Variants in SOX5 observed in about 807,000 individuals in gnomAD.
The protein encoded by SOX5 is transcription factor SOX-5.
Under a neutral mutation model 92.0 loss-of-function variants are expected in SOX5, and 9 were observed. The ratio of observed to expected loss-of-function variants is 0.10; its 90% CI spans 0.06 to 0.17. SOX5 has a LOEUF of 0.17. Ranked by LOEUF, SOX5 falls within the 10% of genes least tolerant of loss-of-function variation. The pLI, the probability that SOX5 is intolerant of heterozygous loss-of-function variation, is 1.00. For missense variants in SOX5, 642 were observed against 944.5 expected (o/e 0.68, Z 4.20); for synonymous variants, 344 against 336.3 (o/e 1.02, Z -0.25).
At chr12:23,649,643 G>A (rs2081304571) in intron 7 of SOX5, among the ~76,000 whole-genome samples, 1 of 152,064 alleles carries the variant, frequency 6.6e-6, no homozygotes, top group South Asian at 2.1e-4. Flanking sequence ...ACTGAGGCAT[G>A]TTATTCTATT....
In SOX5 at chr12:24,245,682, G is replaced by C. The variant is rs897622163; in HGVS notation, c.-77+31534C>G. ...TTATTATGGCCCATGTCTAGAATTGGTTTACGTGAAAATTAGCTAATTTTT... is the reference window on the plus strand; with the variant it reads ...TTATTATGGCCCATGTCTAGAATTGCTTTACGTGAAAATTAGCTAATTTTT... On this transcript the variant is annotated intron_variant, in intron 3 of 4. Coordinates refer to the SOX5 transcript ENST00000446891. 1.3e-4 allele frequency among the ~76,000 whole-genome samples: 20 copies of C among 152,216 alleles called. No homozygotes were observed. In the East Asian group the frequency reaches 3.7e-3, roughly 28 times the overall value.
At chr12:23,970,841 A>ATATATATATATATATATATATT in intron 4 of SOX5, among the ~76,000 whole-genome samples, 2 of 21,876 alleles carry the variant, frequency 9.1e-5, no homozygotes, top group African/African-American at 1.2e-4. Context: ...TATATATATA[A>ATATATATATATATATATATATT]TTTTTTTTTT....
At chr12:23,957,663 T>G (rs575072468) in intron 4 of SOX5, among the ~76,000 whole-genome samples, 2 of 152,220 alleles carry the variant, frequency 1.3e-5, no homozygotes, top group African/African-American at 4.8e-5. Context: ...TGCTTCCATA[T>G]AGACAACTTG....
chr12:24,510,968 T>C (rs1469709109), intron 1 of SOX5, among the ~76,000 whole-genome samples: 1 of 152,134 alleles, frequency 6.6e-6, no homozygotes, highest in Non-Finnish European at 1.5e-5. Flanking sequence ...GTCACACAAA[T>C]CTCAGGCAGT....
intron 6 of SOX5, among the ~76,000 whole-genome samples, chr12:23,720,861 T>TGCA (rs1369514991): frequency 6.6e-6 from 1 of 152,094 alleles, no homozygotes; most frequent in Non-Finnish European, 1.5e-5. Flanking sequence ...TCGGCACAAT[T>TGCA]GCTCTTATTT....
rs550336448 is a variant in SOX5, at chr12:24,237,417, G to A, written c.-76-24000C>T. 7.2e-5 allele frequency among the ~76,000 whole-genome samples: 11 copies of A among 152,270 alleles called. No homozygotes were observed. In the East Asian group the frequency reaches 1.9e-3, roughly 27 times the overall value. ...ACTTTAATTGGTCAATATGAAAGTCGTTAATAATGTAAGCTTTATTCATGT... is the reference window on the plus strand; with the variant it reads ...ACTTTAATTGGTCAATATGAAAGTCATTAATAATGTAAGCTTTATTCATGT... On this transcript the variant is annotated intron_variant, in intron 3 of 4. Transcript: ENST00000446891.
chr12:24,327,382 A>G (rs1289623557), intron 2 of SOX5, among the ~76,000 whole-genome samples: 2 of 123,072 alleles, frequency 1.6e-5, no homozygotes, highest in Admixed American at 9.6e-5. Flanking sequence ...AGAGCAATGG[A>G]GACTTTTTTT....
At chr12:24,081,666 T>C (rs1943345979) in intron 4 of SOX5, among the ~76,000 whole-genome samples, 6 of 152,030 alleles carry the variant, frequency 3.9e-5, no homozygotes, top group Admixed American at 3.9e-4. Context: ...TGGAACTCTC[T>C]GCACGGAACG....
At chr12:24,422,469 A>C (rs147308919) in intron 1 of SOX5, among the ~76,000 whole-genome samples, 8 of 152,280 alleles carry the variant, frequency 5.3e-5, no homozygotes, top group African/African-American at 1.9e-4. Context: ...GTATCGAAAA[A>C]GTCTAGAAAG....
At chr12:24,350,563 C>G (rs1953944556) in intron 2 of SOX5, among the ~76,000 whole-genome samples, 1 of 151,028 alleles carries the variant, frequency 6.6e-6, no homozygotes. Context: ...AGGCTGGTCT[C>G]AAACTCCTGG....
At chr12:23,611,686 G>A (rs16926452) in intron 8 of SOX5, among the ~76,000 whole-genome samples, 6,629 of 152,006 alleles carry the variant, frequency 0.044, 525 homozygotes, top group African/African-American at 0.15. Flanking sequence ...ACTTACCCAG[G>A]AGCCAGCAGC....
At chr12:24,255,522 A>T (rs1941003391) in intron 3 of SOX5, among the ~76,000 whole-genome samples, 1 of 152,238 alleles carries the variant, frequency 6.6e-6, no homozygotes, top group Admixed American at 6.5e-5. Context: ...TTTGTGAAAG[A>T]TGCCTGACAA....
At chr12:23,629,337 A>T (rs570459796) in intron 8 of SOX5, among the ~76,000 whole-genome samples, 1 of 152,190 alleles carries the variant, frequency 6.6e-6, no homozygotes, top group South Asian at 2.1e-4. Flanking sequence ...ACATATACAA[A>T]TATATGCATT....
chr12:24,519,579 G>A (rs1379531954), intron 1 of SOX5, among the ~76,000 whole-genome samples: 2 of 152,106 alleles, frequency 1.3e-5, no homozygotes, highest in Non-Finnish European at 2.9e-5. Context: ...TTCCTGGGTT[G>A]GAAAAATGCT....
At chr12:23,904,436 G>C (rs1193283798) in intron 1 of SOX5, among the ~76,000 whole-genome samples, 1 of 151,966 alleles carries the variant, frequency 6.6e-6, no homozygotes, top group Non-Finnish European at 1.5e-5. Flanking sequence ...AAGAAATATA[G>C]AAAAAGACAA....
chr12:23,814,049 T>C (rs1448473092), intron 3 of SOX5, among the ~76,000 whole-genome samples: 1 of 152,162 alleles, frequency 6.6e-6, no homozygotes, highest in African/African-American at 2.4e-5. Context: ...CTTTTTCTTT[T>C]TATAAATTAA....
chr12:24,408,802 C>G (rs1171860766), intron 1 of SOX5, among the ~76,000 whole-genome samples: 1 of 152,020 alleles, frequency 6.6e-6, no homozygotes, highest in Non-Finnish European at 1.5e-5. Flanking sequence ...TTTGGAATGG[C>G]AATTATTAAA....
rs139987818 is a variant in SOX5, at chr12:24,288,880, T to C, written c.-173-11568A>G. ...TTTCAATAGACATTATAATAATTAA[T>C]AATCTATTCTCAGAGAACCTTTTAT... On this transcript the variant is annotated intron_variant, in intron 2 of 4. Coordinates refer to the SOX5 transcript ENST00000446891. 3.7e-3 allele frequency among the ~76,000 whole-genome samples: 571 copies of C among 152,360 alleles called. 1 individual carries two copies. Among genetic ancestry groups the C allele is most frequent in the Middle Eastern group, 0.014 (4 of 294 alleles).
intron 2 of SOX5, among the ~76,000 whole-genome samples, chr12:24,285,299 T>C (rs578309): frequency 0.77 from 117,004 of 152,024 alleles, 45,163 homozygotes; most frequent in East Asian, 0.91. Context: ...GTCAAGACTT[T>C]GTAAAGCATG....
Sources: allele counts gnomAD v4.1 joint callset (sites outside exome capture counted in the v4.1 genomes callset), GRCh38; gene constraint gnomAD v4.1.1; transcripts MANE v1.5; gene names NCBI Gene and HGNC (gene_info 2026-07-23, HGNC 2026-07-21).